The following CNTN4 variants were observed in gnomAD, a reference collection of about 807,000 sequenced individuals.
CNTN4 encodes contactin 4.
A neutral mutation model predicts 122.5 loss-of-function variants in CNTN4; 77 were observed. That is an observed-to-expected ratio of 0.63 (90% confidence interval 0.52 to 0.76). CNTN4 has a LOEUF of 0.76. Ranked by LOEUF, CNTN4 falls within the 30% of genes least tolerant of loss-of-function variation. The probability of loss-of-function intolerance (pLI) is 0.00; values close to 1 mark genes in which losing one functional copy is unlikely to be tolerated. For synonymous variants in CNTN4, 512 were observed against 447.0 expected (o/e 1.15, Z -1.83); for missense variants, 1,256 against 1,259.1 (o/e 1.00, Z 0.04).
intron 2 of CNTN4, among the ~76,000 whole-genome samples, chr3:2,274,947 A>G (rs117854845): frequency 6.6e-6 from 1 of 152,314 alleles, no homozygotes; most frequent in East Asian, 1.9e-4. Context: ...AGGATGAGGA[A>G]TGGAAGGGTT....
At chr3:2,165,558 A>T (rs1242892484) in intron 2 of CNTN4, among the ~76,000 whole-genome samples, 1 of 152,138 alleles carries the variant, frequency 6.6e-6, no homozygotes, top group East Asian at 1.9e-4. Context: ...CTCTCTTTGT[A>T]AATTTCAAGT....
chr3:2,144,483 G>A (rs2035150375), intron 2 of CNTN4, among the ~76,000 whole-genome samples: 1 of 152,150 alleles, frequency 6.6e-6, no homozygotes, highest in African/African-American at 2.4e-5. Flanking sequence ...TCTTATTGTG[G>A]AAGAATCATC....
At position 3,020,513 on chromosome 3, in the gene CNTN4, C is replaced by T. The variant is rs148519337; in HGVS notation, c.1487-5589C>T. Among the ~76,000 whole-genome samples, 1,265 of 152,280 alleles carry T rather than the reference C, an allele frequency of 8.3e-3. 15 individuals carry two copies. Among genetic ancestry groups the T allele is most frequent in the African/African-American group, 0.029 (1,198 of 41,550 alleles). On this transcript the variant is annotated intron_variant, in intron 14 of 24. Transcript: ENST00000418658. ...AGGTGGCTCGGATTCATAGGCTCTT[C>T]AAGACAGTAGGCTTTTTCCAGCCTG...
intron 2 of CNTN4, among the ~76,000 whole-genome samples, chr3:2,239,674 A>C (rs1018550270): frequency 6.6e-6 from 1 of 152,184 alleles, no homozygotes; most frequent in Non-Finnish European, 1.5e-5. Context: ...TGTATTGGTA[A>C]GACTGCAATA....
intron 4 of CNTN4, among the ~76,000 whole-genome samples, chr3:2,706,870 T>G (rs1221553055): frequency 6.6e-6 from 1 of 152,158 alleles, no homozygotes; most frequent in East Asian, 1.9e-4. Context: ...TGCCTCAGTT[T>G]CCTCACCTGT....
At chr3:2,866,449 G>C in intron 7 of CNTN4, 1 of 1,230,212 alleles carries the variant, frequency 8.1e-7, no homozygotes, top group African/African-American at 1.5e-5. Flanking sequence ...ATGTTACATA[G>C]TGCCTGACAC....
chr3:2,709,953 A>C lies in CNTN4; in HGVS notation c.56-26262A>C, dbSNP rs2728035. On this transcript the variant is annotated intron_variant, in intron 4 of 24. Coordinates refer to ENST00000418658, the MANE Select transcript of CNTN4 (RefSeq NM_175607.3). This position sits in a 1 kb window ranked among gnomAD's most constrained non-coding sequence, Gnocchi z 5.0. ...AATAAACTCCAAAGAGCATGTTTCC[A>C]CACTTAATGCTTATTGCTGAAACCC... 0.53 allele frequency among the ~76,000 whole-genome samples: 80,796 copies of C among 151,986 alleles called. 24,581 individuals are homozygous for C. Among genetic ancestry groups the C allele is most frequent in the African/African-American group, 0.84 (34,945 of 41,486 alleles).
intron 2 of CNTN4, among the ~76,000 whole-genome samples, chr3:2,327,335 C>T (rs1475438532): frequency 6.6e-6 from 1 of 152,154 alleles, no homozygotes. Context: ...TAGCTCAATT[C>T]AGTAAAGTGG....
At chr3:2,590,076 C>T (rs1245548203) in intron 4 of CNTN4, among the ~76,000 whole-genome samples, 1 of 152,212 alleles carries the variant, frequency 6.6e-6, no homozygotes, top group East Asian at 1.9e-4. Flanking sequence ...CTGTTCCTCT[C>T]CTTTGCTTTC....
intron 2 of CNTN4, among the ~76,000 whole-genome samples, chr3:2,314,363 A>T (rs889254373): frequency 2.0e-5 from 3 of 152,022 alleles, no homozygotes; most frequent in Admixed American, 2.0e-4. Context: ...AAATTTTTTA[A>T]TGAAATGTTT....
intron 12 of CNTN4, among the ~76,000 whole-genome samples, chr3:2,910,877 G>A (rs55885900): frequency 0.36 from 54,797 of 151,560 alleles, 10,311 homozygotes; most frequent in East Asian, 0.64. Flanking sequence ...CAATGGACCA[G>A]TTGCCATTGA....
rs558363625 is a variant in CNTN4, at chr3:2,310,828, C to T, written c.-144-28350C>T. Among the ~76,000 whole-genome samples the T allele has an allele frequency of 5.9e-5, 9 of 152,206 alleles. 1 individual carries two copies. Among genetic ancestry groups the T allele is most frequent in the African/African-American group, 1.7e-4 (7 of 41,550 alleles). Reference sequence around the variant, plus strand: ...TTATAATACAGAAATAAAAGGATTGCATTTGAATACTGAAAAATTGTCTTA... The same window carrying T: ...TTATAATACAGAAATAAAAGGATTGTATTTGAATACTGAAAAATTGTCTTA... On this transcript the variant is annotated intron_variant, in intron 2 of 24. Coordinates refer to ENST00000418658, the MANE Select transcript of CNTN4 (RefSeq NM_175607.3).
chr3:2,741,178 C>T (rs1516395), intron 5 of CNTN4, among the ~76,000 whole-genome samples: 134,863 of 152,210 alleles, frequency 0.89, 60,162 homozygotes, highest in Non-Finnish European at 0.94. Context: ...CTACAACATG[C>T]TTACTAGTAC....
chr3:2,154,945 A>T (rs1347189785), intron 2 of CNTN4, among the ~76,000 whole-genome samples: 1 of 152,250 alleles, frequency 6.6e-6, no homozygotes, highest in Admixed American at 6.5e-5. Context: ...GATTTGATAG[A>T]TGGCAGAAAA....
At chr3:2,461,389 A>G (rs1691288472) in intron 3 of CNTN4, among the ~76,000 whole-genome samples, 2 of 152,212 alleles carry the variant, frequency 1.3e-5, no homozygotes, top group Non-Finnish European at 1.5e-5. Flanking sequence ...ACATTATCTC[A>G]GTGAATTTTC....
chr3:2,918,886 G>T (rs2094397687), intron 12 of CNTN4, among the ~76,000 whole-genome samples: 1 of 152,162 alleles, frequency 6.6e-6, no homozygotes, highest in Non-Finnish European at 1.5e-5. Flanking sequence ...TAGTGTTCAG[G>T]CAAAGCCTCA....
chr3:2,484,802 C>T (rs552417576), intron 3 of CNTN4, among the ~76,000 whole-genome samples: 1 of 152,344 alleles, frequency 6.6e-6, no homozygotes, highest in African/African-American at 2.4e-5. Flanking sequence ...GCCTCTGCGC[C>T]CACTCTGGCC....
At chr3:2,210,875 A>C (rs1025104265) in intron 2 of CNTN4, among the ~76,000 whole-genome samples, 20 of 152,218 alleles carry the variant, frequency 1.3e-4, no homozygotes, top group African/African-American at 4.8e-4. Context: ...TAGAAGAAAA[A>C]CAAATCATGA....
intron 3 of CNTN4, among the ~76,000 whole-genome samples, chr3:2,529,633 G>A (rs140564463): frequency 6.6e-6 from 1 of 152,262 alleles, no homozygotes; most frequent in East Asian, 1.9e-4. Context: ...CATGAGAGGA[G>A]ACATTGTTGG....
Sources: gnomAD v4.1 joint callset for allele counts (sites outside exome capture counted in the v4.1 genomes callset) on GRCh38, gnomAD v4.1.1 for gene constraint, Gnocchi (gnomAD v3.1) non-coding constraint, MANE v1.5 for transcripts, NCBI Gene and HGNC (gene_info 2026-07-23, HGNC 2026-07-21) for gene names.